The following FAM117B variants were observed in gnomAD, a reference collection of about 807,000 sequenced individuals.
FAM117B encodes family with sequence similarity 117 member B.
A neutral mutation model predicts 52.8 loss-of-function variants in FAM117B; 22 were observed. That is an observed-to-expected ratio of 0.42 (90% CI 0.30 to 0.59). FAM117B has a LOEUF of 0.59. FAM117B is among the 20% of genes least tolerant of loss of function. FAM117B has a pLI of 0.22. For missense variants in FAM117B, 678 were observed against 802.6 expected, an observed-to-expected ratio of 0.84 and a Z score of 1.88; for synonymous variants, 309 against 324.1, an observed-to-expected ratio of 0.95 and a Z score of 0.50.
rs150458677 is a variant in FAM117B at position 202,751,954 on chromosome 2, A to G, written c.961-3584A>G. Among the ~76,000 whole-genome samples, 336 of 152,180 alleles carry G rather than the reference A, an allele frequency of 2.2e-3. 1 individual carries two copies. The highest frequency in any genetic ancestry group is 7.5e-3 in the African/African-American group (310 of 41,544). ...TTCTTTCCTTTGGTAGTGGATGCTG[A>G]GAATGGAAAAGGGATCAGAAAGAAG... is the stretch of plus-strand genomic sequence containing the variant. On this transcript the variant is annotated intron_variant, in intron 4 of 7. Transcript: ENST00000392238.
At chr2:202,749,599 C>T (rs1187942170) in intron 4 of FAM117B, among the ~76,000 whole-genome samples, 1 of 151,932 alleles carries the variant, frequency 6.6e-6, no homozygotes, top group East Asian at 1.9e-4. Flanking sequence ...AATTTTCTTT[C>T]TTCACTGAAT....
intron 2 of FAM117B, among the ~76,000 whole-genome samples, chr2:202,704,017 T>G (rs1690836177): frequency 1.3e-5 from 2 of 152,214 alleles, no homozygotes; most frequent in Non-Finnish European, 2.9e-5. Context: ...TATGTTGTGG[T>G]ATGTAATTGT....
intron 2 of FAM117B, among the ~76,000 whole-genome samples, chr2:202,715,090 C>T (rs1410620363): frequency 6.6e-6 from 1 of 152,196 alleles, no homozygotes; most frequent in Non-Finnish European, 1.5e-5. Context: ...AGGGGCTCCT[C>T]ACTTCCCAGA....
chr2:202,726,117 G>A (rs926413497), intron 3 of FAM117B, 133 bp from the exon 4 acceptor site: 2 of 585,024 alleles, frequency 3.4e-6, no homozygotes, highest in Non-Finnish European at 6.2e-6. Flanking sequence ...AACAAAAAAT[G>A]AGACTTTGTG....
At chr2:202,702,088 T>A (rs1690803059) in intron 2 of FAM117B, among the ~76,000 whole-genome samples, 1 of 152,192 alleles carries the variant, frequency 6.6e-6, no homozygotes, top group African/African-American at 2.4e-5. Context: ...AACTTCATTG[T>A]CATCTTATTT....
intron 2 of FAM117B, among the ~76,000 whole-genome samples, chr2:202,712,265 T>C (rs924014454): frequency 2.0e-5 from 3 of 152,100 alleles, no homozygotes; most frequent in African/African-American, 7.2e-5. Flanking sequence ...CTTCTTTGGT[T>C]AATTCCTAGG....
chr2:202,675,984 C>CAAA (rs778502048), intron 1 of FAM117B, among the ~76,000 whole-genome samples: 47 of 56,610 alleles, frequency 8.3e-4, no homozygotes, highest in African/African-American at 2.3e-3. Context: ...GACACAGTCT[C>CAAA]AAAAAAAAAA....
intron 4 of FAM117B, among the ~76,000 whole-genome samples, chr2:202,739,414 CCTGT>C (rs1411885492): frequency 1.2e-4 from 18 of 151,082 alleles, no homozygotes; most frequent in East Asian, 6.1e-4. Context: ...TGTCTGTCTT[CCTGT>C]CTGTCTGTCT....
intron 1 of FAM117B, among the ~76,000 whole-genome samples, chr2:202,693,406 C>T (rs1185087045): frequency 6.6e-6 from 1 of 152,108 alleles, no homozygotes; most frequent in East Asian, 1.9e-4. Context: ...ATCAGGAGTT[C>T]AAGACCAGCC....
chr2:202,759,420 C>T, intron 7 of FAM117B, 67 bp downstream of exon 7: 1 of 1,569,952 alleles, frequency 6.4e-7, no homozygotes, highest in Non-Finnish European at 8.6e-7. Flanking sequence ...GATAGGATCT[C>T]ACTCTGTCAT....
At chr2:202,754,651 G>A (rs1456032131) in intron 4 of FAM117B, among the ~76,000 whole-genome samples, 5 of 151,982 alleles carry the variant, frequency 3.3e-5, no homozygotes, top group Non-Finnish European at 7.4e-5. Flanking sequence ...CACTTTGGGA[G>A]GCTGACATGG....
At chr2:202,658,404 G>A (rs756426651) in intron 1 of FAM117B, among the ~76,000 whole-genome samples, 13 of 152,024 alleles carry the variant, frequency 8.6e-5, no homozygotes, top group Non-Finnish European at 2.9e-5. Context: ...CCTGGGTTCA[G>A]GTGATCCTCT....
chr2:202,678,193 G>T (rs1226295389), intron 1 of FAM117B, among the ~76,000 whole-genome samples: 1 of 152,190 alleles, frequency 6.6e-6, no homozygotes, highest in Non-Finnish European at 1.5e-5. Flanking sequence ...CACATGGAGT[G>T]GTTTTAAGGA....
intron 1 of FAM117B, among the ~76,000 whole-genome samples, chr2:202,638,252 C>T (rs373367491): frequency 8.5e-5 from 13 of 152,284 alleles, no homozygotes; most frequent in African/African-American, 3.1e-4. Context: ...CATAGTGCAT[C>T]AGGTGGAAGG....
At chr2:202,735,338 T>A (rs1691422907) in intron 4 of FAM117B, among the ~76,000 whole-genome samples, 1 of 152,216 alleles carries the variant, frequency 6.6e-6, no homozygotes, top group Admixed American at 6.5e-5. Context: ...TTTCACGATA[T>A]GCAGAAGATG....
intron 1 of FAM117B, among the ~76,000 whole-genome samples, chr2:202,642,353 A>C (rs1689784917): frequency 6.8e-6 from 1 of 147,880 alleles, no homozygotes; most frequent in African/African-American, 2.5e-5. Context: ...GAATATATAT[A>C]TATATATATA....
chr2:202,743,514 G>A (rs1277336460), intron 4 of FAM117B, among the ~76,000 whole-genome samples: 1 of 152,138 alleles, frequency 6.6e-6, no homozygotes, highest in Non-Finnish European at 1.5e-5. Flanking sequence ...ATCTCCAGAG[G>A]AGCCCAATAA....
At chr2:202,714,584 G>C (rs1217301426) in intron 2 of FAM117B, among the ~76,000 whole-genome samples, 1 of 144,292 alleles carries the variant, frequency 6.9e-6, no homozygotes. Context: ...CGCAGAGGGG[G>C]ATTTGGCAGG....
In FAM117B at chr2:202,716,655, T is replaced by C. The variant is rs116180741; in HGVS notation, c.754-8262T>C. On this transcript the variant is annotated intron_variant, in intron 2 of 7. Transcript: ENST00000392238. Reference sequence around the variant, plus strand: ...AGGCCTATAACTATTCAGTTTGCCCTTCTGAGGCTATTTTCTAGATCCGGT... The same window carrying C: ...AGGCCTATAACTATTCAGTTTGCCCCTCTGAGGCTATTTTCTAGATCCGGT... Among the ~76,000 whole-genome samples, 1,297 of 152,322 alleles carry C rather than the reference T, an allele frequency of 8.5e-3. 24 individuals carry two copies. The highest frequency in any genetic ancestry group is 0.029 in the African/African-American group (1,225 of 41,566).
Sources: allele counts gnomAD v4.1 joint callset (sites outside exome capture counted in the v4.1 genomes callset), GRCh38; gene constraint gnomAD v4.1.1; transcripts MANE v1.5; gene names NCBI Gene and HGNC (gene_info 2026-07-23, HGNC 2026-07-21).